Variants in M6PR observed in about 807,000 individuals in gnomAD.
M6PR encodes cation-dependent mannose-6-phosphate receptor.
A neutral mutation model predicts 33.1 loss-of-function variants in M6PR; 19 were observed. That is an observed-to-expected ratio of 0.57 (90% CI 0.40 to 0.84). The LOEUF is 0.84. Ranked by LOEUF, M6PR falls within the 40% of genes least tolerant of loss-of-function variation. The probability of loss-of-function intolerance (pLI) is 0.00; values close to 1 mark genes in which losing one functional copy is unlikely to be tolerated. For missense variants in M6PR, 295 were observed against 336.0 expected, an observed-to-expected ratio of 0.88 and a Z score of 0.95; for synonymous variants, 111 against 123.4, an observed-to-expected ratio of 0.90 and a Z score of 0.67.
At chr12:8,948,211 T>G (rs1191946983) in intron 1 of M6PR, among the ~76,000 whole-genome samples, 1 of 152,232 alleles carries the variant, frequency 6.6e-6, no homozygotes, top group Admixed American at 6.5e-5. Flanking sequence ...AATAAATTTA[T>G]ACTGTATTCT....
At position 8,948,918 on chromosome 12, in the gene M6PR, AG is replaced by A. The variant is rs1946147318; in HGVS notation, c.-2+569del. Reference sequence around the variant, plus strand: ...AGAAAAGCAGCCTCAATTGGCTAAAAGGCCTAATGCTGAAAGAACTCAAGAG... The same window carrying A: ...AGAAAAGCAGCCTCAATTGGCTAAAAGCCTAATGCTGAAAGAACTCAAGAG... On this transcript the variant is annotated intron_variant, in intron 1 of 6. Coordinates refer to ENST00000000412, the MANE Select transcript of M6PR (RefSeq NM_002355.4). 2.6e-5 allele frequency among the ~76,000 whole-genome samples: 4 copies of A among 152,366 alleles called. No individual in the cohort carries two copies. The South Asian group carries it at 8.3e-4, about 32-fold the overall frequency.
intron 1 of M6PR, among the ~76,000 whole-genome samples, chr12:8,947,785 C>A (rs1023144855): frequency 6.6e-6 from 1 of 151,520 alleles, no homozygotes; most frequent in African/African-American, 2.4e-5. Flanking sequence ...TATATTTCCA[C>A]TATGTGCATA....
intron 3 of M6PR, 67 bp downstream of exon 3, chr12:8,945,351 A>G (rs777681269): frequency 1.3e-6 from 2 of 1,554,934 alleles, no homozygotes; most frequent in Non-Finnish European, 1.8e-6. Flanking sequence ...CAAGACATAC[A>G]GGATTGTCAG....
At chr12:8,945,362 A>C in intron 3 of M6PR, 56 bp downstream of exon 3, 1 of 1,584,282 alleles carries the variant, frequency 6.3e-7, no homozygotes, top group Non-Finnish European at 8.6e-7. Flanking sequence ...GGATTGTCAG[A>C]GGGATTGACT....
At position 8,942,150 on chromosome 12, in the gene M6PR, G is replaced by A. The variant is rs917793077; in HGVS notation, c.712-210C>T. ...TAGGCCTCACCTTCTTCCCACCCAG[G>A]CCCTCTTAAAAGCTAAATCAGATTT... On this transcript the variant is annotated intron_variant, in intron 6 of 6. Transcript: ENST00000000412. The A allele has an allele frequency of 3.9e-5, 27 of 684,998 alleles. No individual in the cohort carries two copies. The East Asian group carries it at 6.5e-4, about 17-fold the overall frequency. The allele number at this position is 684,998 out of a possible 1,614,324, so 42.4% of individuals were successfully genotyped here.
Position 8,947,047 on chromosome 12 carries a change from T to C in M6PR, c.-1-642A>G, listed in dbSNP as rs77850374. ...ATCCATCTTCATACCCAGGACAGAC[T>C]GACTTACCCTTGCAAAACACTTTAC... On this transcript the variant is annotated intron_variant, in intron 1 of 6. Transcript: ENST00000000412. Among the ~76,000 whole-genome samples, 12 of 152,306 alleles carry C rather than the reference T, an allele frequency of 7.9e-5. No homozygotes were observed. In the East Asian group the frequency reaches 2.3e-3, roughly 29 times the overall value.
Position 8,945,477 on chromosome 12 carries a change from T to A in M6PR, c.284A>T (p.Lys95Ile). 6.2e-7 allele frequency: 1 copy of A among 1,614,090 alleles called. No homozygotes were observed. The highest frequency in any genetic ancestry group is 2.2e-5 in the East Asian group (1 of 44,872). ...TACCACTGTCTCCTTCCCATTACTTTTGTTGATTTGCACCAGGCCTGCCCC... is the reference window on the plus strand; with the variant it reads ...TACCACTGTCTCCTTCCCATTACTTATGTTGATTTGCACCAGGCCTGCCCC... ...TSGAGLVQINKSNGKETVVGR... is the reference protein window; with the variant it reads ...TSGAGLVQINISNGKETVVGR... The change falls in exon 3 of 7, where the codon AAA (lysine) becomes ATA (isoleucine). Residue 95 changes from lysine to isoleucine, a missense_variant. Transcript: ENST00000000412.
Position 8,949,422 on chromosome 12 carries a change from C to T in M6PR, c.-2+66G>A, listed in dbSNP as rs1946156631. On this transcript the variant is annotated intron_variant, in intron 1 of 6. Transcript: ENST00000000412. This position sits in a 1 kb window ranked among gnomAD's most constrained non-coding sequence, Gnocchi z 5.6. ...TCAAGGGAGAATGCGATTCCGGCTC[C>T]TGTCACAGACGCTTAAGTGTGAGCG... is the stretch of plus-strand genomic sequence containing the variant. The T allele has an allele frequency of 6.6e-6, 1 of 152,028 alleles. No homozygotes were observed. Among genetic ancestry groups the T allele is most frequent in the Non-Finnish European group, 1.5e-5 (1 of 68,096 alleles). 9.4% of individuals were successfully genotyped at this position (152,028 alleles called of 1,614,324 possible).
Position 8,947,833 on chromosome 12 carries a change from T to TG in M6PR, c.-1-1429dup, listed in dbSNP as rs200250192. Among the ~76,000 whole-genome samples the TG allele has an allele frequency of 5.4e-4, 68 of 126,444 alleles. 1 individual carries two copies. Among genetic ancestry groups the TG allele is most frequent in the African/African-American group, 1.7e-3 (58 of 34,676 alleles). The allele number at this position is 126,444 out of a possible 152,430, so 83.0% of individuals were successfully genotyped here. On this transcript the variant is annotated intron_variant, in intron 1 of 6. Coordinates refer to ENST00000000412, the MANE Select transcript of M6PR (RefSeq NM_002355.4). The stretch of plus-strand genomic sequence containing the variant: ...AGATGAGAGTAGACAGCCAAAACTG[T>TG]GGGTTTTTTTTTTTTTCTACTAAGA...
At chr12:8,948,441 A>G (rs1946135100) in intron 1 of M6PR, among the ~76,000 whole-genome samples, 1 of 152,232 alleles carries the variant, frequency 6.6e-6, no homozygotes, top group Non-Finnish European at 1.5e-5. Context: ...GTGTGAAGTT[A>G]CTGGGGCAAT....
At chr12:8,945,618 G>T in intron 2 of M6PR, 34 bp from the exon 3 acceptor site, 6 of 1,588,590 alleles carry the variant, frequency 3.8e-6, no homozygotes, top group Non-Finnish European at 5.2e-6. Context: ...GAAGAGGAGA[G>T]TTACTAGCTA....
At chr12:8,947,594 C>T (rs1230219749) in intron 1 of M6PR, among the ~76,000 whole-genome samples, 1 of 152,184 alleles carries the variant, frequency 6.6e-6, no homozygotes, top group Admixed American at 6.5e-5. Context: ...AGACTACTGC[C>T]TTGGGCCAGG....
At chr12:8,943,685 C>T in intron 4 of M6PR, 116 bp downstream of exon 4, 1 of 1,322,698 alleles carries the variant, frequency 7.6e-7, no homozygotes, top group Admixed American at 1.7e-5. Flanking sequence ...AGAAACTGAG[C>T]TCCTAGTTTT....
rs1018905732 is a variant in M6PR, at chr12:8,949,293, T to C, written c.-2+195A>G. Among the ~76,000 whole-genome samples the C allele has an allele frequency of 2.6e-5, 4 of 152,084 alleles. No individual in the cohort carries two copies. Among genetic ancestry groups the C allele is most frequent in the African/African-American group, 9.7e-5 (4 of 41,404 alleles). On this transcript the variant is annotated intron_variant, in intron 1 of 6. Coordinates refer to ENST00000000412, the MANE Select transcript of M6PR (RefSeq NM_002355.4). The surrounding 1 kb of genome is among the most constrained non-coding windows in gnomAD (Gnocchi z 5.6). ...ATCCCCTCTCTGGTCTTGGAAGTCCTTTCTCCCTCACACCTTTCGGAACTC... is the reference window on the plus strand; with the variant it reads ...ATCCCCTCTCTGGTCTTGGAAGTCCCTTCTCCCTCACACCTTTCGGAACTC...
Position 8,946,416 on chromosome 12 carries a change from G to A in M6PR, c.-1-11C>T, listed in dbSNP as rs1402006873. On this transcript the variant is annotated splice_polypyrimidine_tract_variant and intron_variant, in intron 1 of 6. Transcript: ENST00000000412. ...TAGAAAGGGAACATCCTTTGGGAGA[G>A]AGTGTGTGTTGGGGAGGGCAGGTAG... 1 of 1,613,122 alleles carries A rather than the reference G, an allele frequency of 6.2e-7. No individual in the cohort carries two copies. The highest frequency in any genetic ancestry group is 1.3e-5 in the African/African-American group (1 of 75,052).
At position 8,941,953 on chromosome 12, in the gene M6PR, A is replaced by G. The variant is rs749936259; in HGVS notation, c.712-13T>C. 3 of 1,613,808 alleles carry G rather than the reference A, an allele frequency of 1.9e-6. No individual in the cohort carries two copies. In the Admixed American group the frequency reaches 5.0e-5, roughly 27 times the overall value. On this transcript the variant is annotated splice_polypyrimidine_tract_variant and intron_variant, in intron 6 of 6. Transcript: ENST00000000412. ...AGTCACAGCCATCCTGTAGGGGGAA[A>G]AAAAAGAAGGAAATAATTCGCAGCA...
chr12:8,946,103 A>G lies in M6PR; in HGVS notation c.176+126T>C. 4.5e-6 allele frequency: 4 copies of G among 887,566 alleles called. No individual in the cohort carries two copies. In the East Asian group the frequency reaches 1.0e-4, roughly 23 times the overall value. 55.0% of individuals were successfully genotyped at this position (887,566 alleles called of 1,614,324 possible). A position where few individuals can be genotyped will look rare whatever the true frequency, so the allele number is the denominator to read the frequency against. ...AAAGATGAGAAAACTGCACACAGCA[A>G]CTAAAAACTGGGCTGAGAATTTGCT... On this transcript the variant is annotated intron_variant, in intron 2 of 6. Coordinates refer to ENST00000000412, the MANE Select transcript of M6PR (RefSeq NM_002355.4).
chr12:8,946,500 T>C, intron 1 of M6PR, 95 bp from the exon 2 acceptor site: 2 of 951,174 alleles, frequency 2.1e-6, no homozygotes, highest in Non-Finnish European at 3.2e-6. Context: ...CGATGGTATT[T>C]TAATTATCCA....
In M6PR at chr12:8,942,545, G is replaced by T; in HGVS notation, c.585-3C>A. 6.2e-7 allele frequency: 1 copy of T among 1,614,038 alleles called. No individual in the cohort carries two copies. The highest frequency in any genetic ancestry group is 1.1e-5 in the South Asian group (1 of 91,066). On this transcript the variant is annotated splice_region_variant and splice_polypyrimidine_tract_variant and intron_variant, in intron 5 of 6. Coordinates refer to ENST00000000412, the MANE Select transcript of M6PR (RefSeq NM_002355.4). ...AAACAGCAACCAGTGATGCAAACCT[G>T]TAGAGAGAGAAAGACATCTATACTT...
Sources: allele counts gnomAD v4.1 joint callset (sites outside exome capture counted in the v4.1 genomes callset), GRCh38; gene constraint gnomAD v4.1.1; non-coding constraint Gnocchi (gnomAD v3.1); transcripts MANE v1.5; gene names NCBI Gene and HGNC (gene_info 2026-07-23, HGNC 2026-07-21).